CAB39L: variants seen among roughly 807,000 people sequenced by gnomAD.
The protein encoded by CAB39L is calcium binding protein 39 like.
CAB39L carries 23 observed loss-of-function variants against 39.1 expected under a neutral mutation model. The ratio of observed to expected loss-of-function variants is 0.59; its 90% confidence interval spans 0.42 to 0.83. The LOEUF is 0.83. CAB39L is among the 40% of genes least tolerant of loss of function. The pLI, the probability that CAB39L is intolerant of heterozygous loss-of-function variation, is 0.00. For synonymous variants in CAB39L, 126 were observed against 137.2 expected (o/e 0.92, Z 0.57); for missense variants, 366 against 391.9 (o/e 0.93, Z 0.56).
At chr13:49,401,579 T>A (rs1956772321) in intron 3 of CAB39L, 1 of 151,964 alleles carries the variant, frequency 6.6e-6, no homozygotes, top group South Asian at 2.1e-4. Flanking sequence ...ACTTCCTCCC[T>A]CCTCAGTCCT....
At chr13:49,441,218 AGT>A (rs993100113) in intron 1 of CAB39L, among the ~76,000 whole-genome samples, 2 of 111,730 alleles carry the variant, frequency 1.8e-5, no homozygotes, top group African/African-American at 6.2e-5. Context: ...ATAATGATTT[AGT>A]GTATATATAT....
chr13:49,425,571 GC>G (rs1738212902), intron 3 of CAB39L, among the ~76,000 whole-genome samples: 1 of 152,118 alleles, frequency 6.6e-6, no homozygotes, highest in Non-Finnish European at 1.5e-5. Context: ...GGTAAACTAT[GC>G]AAAAACAGGC....
intron 3 of CAB39L, among the ~76,000 whole-genome samples, chr13:49,393,495 T>C (rs1355960936): frequency 6.6e-6 from 1 of 152,016 alleles, no homozygotes; most frequent in African/African-American, 2.4e-5. Flanking sequence ...AATCTTATAG[T>C]CACAGAATGA....
chr13:49,422,270 G>A (rs946962507), intron 3 of CAB39L, among the ~76,000 whole-genome samples: 4 of 152,068 alleles, frequency 2.6e-5, no homozygotes, highest in Non-Finnish European at 2.9e-5. Context: ...AGGAAAAGTC[G>A]GCATTTAAAA....
At chr13:49,439,920 G>GTTTTTTTTTTTTTTTTTTTT (rs1270438947) in intron 1 of CAB39L, among the ~76,000 whole-genome samples, 1 of 41,366 alleles carries the variant, frequency 2.4e-5, no homozygotes, top group African/African-American at 7.7e-5. Context: ...CTTTTTAATG[G>GTTTTTTTTTTTTTTTTTTTT]GTTTTTTTTT....
chr13:49,358,613 C>T (rs1239760968), intron 6 of CAB39L, among the ~76,000 whole-genome samples: 4 of 152,170 alleles, frequency 2.6e-5, no homozygotes, highest in Non-Finnish European at 5.9e-5. Context: ...GTAATTCCAG[C>T]ACTTTGGGAG....
intron 3 of CAB39L, among the ~76,000 whole-genome samples, chr13:49,410,816 T>C (rs973175435): frequency 6.6e-6 from 1 of 152,096 alleles, no homozygotes; most frequent in African/African-American, 2.4e-5. Flanking sequence ...AAAATCTCTA[T>C]GGAATTCATC....
chr13:49,348,901 G>A (rs1295155849), intron 7 of CAB39L, among the ~76,000 whole-genome samples: 2 of 152,152 alleles, frequency 1.3e-5, no homozygotes, highest in Non-Finnish European at 2.9e-5. Context: ...TCCGCCTCCA[G>A]GGAGACCACG....
intron 3 of CAB39L, among the ~76,000 whole-genome samples, chr13:49,416,359 CAT>C (rs1448499879): frequency 6.6e-6 from 1 of 152,202 alleles, no homozygotes; most frequent in Non-Finnish European, 1.5e-5. Context: ...AACAAGCTAA[CAT>C]GTGTGCAAGT....
At chr13:49,438,479 C>A (rs890456362) in intron 1 of CAB39L, among the ~76,000 whole-genome samples, 13 of 152,284 alleles carry the variant, frequency 8.5e-5, no homozygotes, top group Non-Finnish European at 1.9e-4. Flanking sequence ...GTATACGCTT[C>A]AGAAGGATTC....
intron 3 of CAB39L, among the ~76,000 whole-genome samples, chr13:49,428,255 T>C (rs147676993): frequency 2.6e-5 from 4 of 152,318 alleles, no homozygotes; most frequent in African/African-American, 9.6e-5. Context: ...AATGCAATCA[T>C]CATGAAGTTT....
At chr13:49,417,539 A>G (rs145511443) in intron 3 of CAB39L, among the ~76,000 whole-genome samples, 232 of 152,292 alleles carry the variant, frequency 1.5e-3, no homozygotes, top group African/African-American at 5.3e-3. Flanking sequence ...CAATAGAATA[A>G]TATGTTAACG....
chr13:49,320,382 C>A (rs1954307011), intron 10 of CAB39L, among the ~76,000 whole-genome samples: 1 of 152,138 alleles, frequency 6.6e-6, no homozygotes, highest in Admixed American at 6.5e-5. Flanking sequence ...CATAACATGC[C>A]TGAGAGATGT....
chr13:49,343,418 A>C (rs1955058110), intron 8 of CAB39L, among the ~76,000 whole-genome samples: 1 of 152,166 alleles, frequency 6.6e-6, no homozygotes, highest in Non-Finnish European at 1.5e-5. Flanking sequence ...GCAGGTCTTG[A>C]AGCCAAGCAA....
At chr13:49,352,204 C>T (rs545001554) in intron 6 of CAB39L, among the ~76,000 whole-genome samples, 1 of 151,762 alleles carries the variant, frequency 6.6e-6, no homozygotes, top group East Asian at 1.9e-4. Flanking sequence ...CAATTCAGGA[C>T]TGGCATACCA....
At chr13:49,428,004 A>G (rs1384869285) in intron 3 of CAB39L, among the ~76,000 whole-genome samples, 1 of 152,208 alleles carries the variant, frequency 6.6e-6, no homozygotes, top group African/African-American at 2.4e-5. Context: ...CCATGTCCAA[A>G]TACCATCTCA....
chr13:49,323,828 CAGAA>C (rs1469640670), intron 10 of CAB39L, among the ~76,000 whole-genome samples: 1 of 152,094 alleles, frequency 6.6e-6, no homozygotes, highest in Non-Finnish European at 1.5e-5. Context: ...ATTTAGTAAA[CAGAA>C]AGAGAGGATG....
At position 49,310,737 on chromosome 13, in the gene CAB39L, T is replaced by C; in HGVS notation, c.*77A>G. The C allele has an allele frequency of 6.9e-7, 1 of 1,459,154 alleles. No individual in the cohort carries two copies. Among genetic ancestry groups the C allele is most frequent in the Non-Finnish European group, 9.3e-7 (1 of 1,073,510 alleles). 90.4% of individuals were successfully genotyped at this position (1,459,154 alleles called of 1,614,324 possible). A position where few individuals can be genotyped will look rare whatever the true frequency, so the allele number is the denominator to read the frequency against. On this transcript the variant is annotated 3_prime_UTR_variant, in exon 11 of 11. Coordinates refer to ENST00000409308, the MANE Select transcript of CAB39L (RefSeq NM_001079670.3). ...GGCACCTCCAAAGTCTTCCCAAGAATGATGACTTTCTGAAATGACACACTG... is the reference window on the plus strand; with the variant it reads ...GGCACCTCCAAAGTCTTCCCAAGAACGATGACTTTCTGAAATGACACACTG...
At chr13:49,345,908 G>A (rs929645576) in intron 7 of CAB39L, among the ~76,000 whole-genome samples, 1 of 151,750 alleles carries the variant, frequency 6.6e-6, no homozygotes, top group African/African-American at 2.4e-5. Flanking sequence ...GAAAGGTTGT[G>A]TCATACATTA....
Sources: gnomAD v4.1 joint callset for allele counts (sites outside exome capture counted in the v4.1 genomes callset) on GRCh38, gnomAD v4.1.1 for gene constraint, MANE v1.5 for transcripts, NCBI Gene and HGNC (gene_info 2026-07-23, HGNC 2026-07-21) for gene names.